LITAF: variants seen among roughly 807,000 people sequenced by gnomAD.
The protein encoded by LITAF is lipopolysaccharide induced TNF factor.
LITAF carries 9 observed loss-of-function variants against 14.5 expected under a neutral mutation model. That is an observed-to-expected ratio of 0.62 (90% CI 0.37 to 1.08). The LOEUF (loss-of-function observed/expected upper bound fraction) is 1.08, where lower values mean the gene tolerates loss of function less well. Among genes scored for constraint, LITAF ranks in the 50% least tolerant of loss-of-function variants. The pLI is 0.01. For synonymous variants in LITAF, 98 were observed against 88.2 expected (o/e 1.11, Z -0.62); for missense variants, 206 against 213.4 (o/e 0.97, Z 0.22).
At position 11,612,242 on chromosome 16, in the gene LITAF, G is replaced by A. The variant is rs141729917; in HGVS notation, c.85+21291C>T. On this transcript the variant is annotated intron_variant, in intron 3 of 3. Transcript: ENST00000574848. ...TTTGCTCAGCCCAGATCTAAAACGG[G>A]GGTCTCTCCAGTGAGTCAGACCAGG... Among the ~76,000 whole-genome samples, 205 of 152,244 alleles carry A rather than the reference G, an allele frequency of 1.3e-3. 1 individual carries two copies. Among genetic ancestry groups the A allele is most frequent in the African/African-American group, 4.7e-3 (196 of 41,546 alleles).
At chr16:11,551,452 A>G (rs963701100) in intron 3 of LITAF, among the ~76,000 whole-genome samples, 17 of 152,170 alleles carry the variant, frequency 1.1e-4, no homozygotes, top group African/African-American at 4.1e-4. Flanking sequence ...CAGGATTTGA[A>G]CCCACTCTAC....
At chr16:11,619,165 G>T (rs2065035083) in intron 3 of LITAF, among the ~76,000 whole-genome samples, 1 of 151,864 alleles carries the variant, frequency 6.6e-6, no homozygotes, top group Admixed American at 6.6e-5. Flanking sequence ...ACAAAATTTA[G>T]CTTGGTGTGG....
intron 3 of LITAF, among the ~76,000 whole-genome samples, chr16:11,604,693 G>C (rs2064945830): frequency 6.8e-6 from 1 of 147,202 alleles, no homozygotes; most frequent in Non-Finnish European, 1.5e-5. Flanking sequence ...GGCCACAGTT[G>C]TGTCACCTGG....
intron 1 of LITAF, among the ~76,000 whole-genome samples, chr16:11,567,971 G>A (rs139657174): frequency 0.078 from 11,633 of 148,230 alleles, 657 homozygotes; most frequent in East Asian, 0.24. Context: ...GCAACAGAGC[G>A]AGACTCTGTC....
intron 1 of LITAF, among the ~76,000 whole-genome samples, chr16:11,569,137 G>A (rs566421941): frequency 1.0e-3 from 159 of 152,324 alleles, no homozygotes; most frequent in African/African-American, 3.7e-3. Context: ...TGAACAGGAC[G>A]CGGGGGCTTC....
At chr16:11,560,782 A>G (rs1164435708) in intron 1 of LITAF, among the ~76,000 whole-genome samples, 1 of 152,166 alleles carries the variant, frequency 6.6e-6, no homozygotes, top group Non-Finnish European at 1.5e-5. Context: ...AGGCCACAGA[A>G]GCAGGAGGGC....
intron 1 of LITAF, among the ~76,000 whole-genome samples, chr16:11,566,218 C>G (rs1037933882): frequency 3.3e-5 from 5 of 152,190 alleles, no homozygotes; most frequent in Non-Finnish European, 7.3e-5. Flanking sequence ...AGAGCAGGAA[C>G]TGACACTAAA....
intron 1 of LITAF, among the ~76,000 whole-genome samples, chr16:11,570,516 G>A (rs1349884362): frequency 6.6e-6 from 1 of 152,170 alleles, no homozygotes; most frequent in Non-Finnish European, 1.5e-5. Flanking sequence ...TACCCGCAGT[G>A]TGGGCGACAG....
intron 1 of LITAF, among the ~76,000 whole-genome samples, chr16:11,559,206 T>G (rs972733134): frequency 2.0e-5 from 3 of 152,110 alleles, no homozygotes; most frequent in African/African-American, 7.2e-5. Flanking sequence ...CAGTGAGCCA[T>G]GATCATGCCA....
At chr16:11,576,458 G>A (rs566769557) in intron 1 of LITAF, among the ~76,000 whole-genome samples, 3 of 141,292 alleles carry the variant, frequency 2.1e-5, no homozygotes, top group Non-Finnish European at 4.5e-5. Flanking sequence ...AACAGAGCAA[G>A]ACACTGTCTC....
intron 3 of LITAF, among the ~76,000 whole-genome samples, chr16:11,625,966 C>A (rs1311489945): frequency 2.0e-5 from 3 of 152,050 alleles, no homozygotes; most frequent in African/African-American, 7.2e-5. Flanking sequence ...GGGTGACCTG[C>A]CTAAGGCCAC....
At chr16:11,591,976 A>C (rs1027947223), upstream of LITAF, among the ~76,000 whole-genome samples, 3 of 152,216 alleles carry the variant, frequency 2.0e-5, no homozygotes, top group African/African-American at 7.2e-5. Context: ...ATCATATACA[A>C]AGGTTGACTC....
chr16:11,563,532 CCT>C (rs372043563), intron 1 of LITAF, among the ~76,000 whole-genome samples: 260 of 152,270 alleles, frequency 1.7e-3, no homozygotes, highest in African/African-American at 6.1e-3. Context: ...GGAGGGATCA[CCT>C]CTCTTTCTGC....
chr16:11,565,229 C>A (rs1408971279), intron 1 of LITAF, among the ~76,000 whole-genome samples: 1 of 151,596 alleles, frequency 6.6e-6, no homozygotes, highest in Non-Finnish European at 1.5e-5. Flanking sequence ...ATTACAGGTG[C>A]CTGCCACCAC....
chr16:11,552,624 A>T (rs903367266), intron 3 of LITAF, among the ~76,000 whole-genome samples: 1 of 152,176 alleles, frequency 6.6e-6, no homozygotes, highest in Admixed American at 6.5e-5. Flanking sequence ...GCGTGGTTTC[A>T]GCAGATAAGC....
rs1226398893 is a variant in LITAF, at chr16:11,548,897, A to G, written c.*740T>C. 2.2e-6 allele frequency: 1 copy of G among 454,028 alleles called. No individual in the cohort carries two copies. The highest frequency in any genetic ancestry group is 1.6e-5 in the South Asian group (1 of 64,472). 28.1% of individuals were successfully genotyped at this position (454,028 alleles called of 1,614,324 possible). On this transcript the variant is annotated 3_prime_UTR_variant, in exon 4 of 4. Transcript: ENST00000622633. ...AAACTGTTCATATAATTACTCTATG[A>G]GAAAAAAATCCCTGTATGGAAAGGG...
intron 1 of LITAF, among the ~76,000 whole-genome samples, chr16:11,573,845 G>T (rs1376624496): frequency 6.6e-6 from 1 of 151,474 alleles, no homozygotes; most frequent in Non-Finnish European, 1.5e-5. Flanking sequence ...GGGATTACAG[G>T]CGCCCACCAC....
At chr16:11,583,913 A>G (rs2064773611) in intron 1 of LITAF, among the ~76,000 whole-genome samples, 1 of 152,236 alleles carries the variant, frequency 6.6e-6, no homozygotes, top group Non-Finnish European at 1.5e-5. Context: ...GCTCTATGAA[A>G]TTACACAATT....
At chr16:11,623,325 G>A (rs901482518) in intron 3 of LITAF, among the ~76,000 whole-genome samples, 9 of 151,908 alleles carry the variant, frequency 5.9e-5, no homozygotes, top group Admixed American at 4.6e-4. Flanking sequence ...CTGTGGTAAG[G>A]ACTTCAGGCA....
Sources: gnomAD v4.1 joint callset for allele counts (sites outside exome capture counted in the v4.1 genomes callset) on GRCh38, gnomAD v4.1.1 for gene constraint, MANE v1.5 for transcripts, NCBI Gene and HGNC (gene_info 2026-07-23, HGNC 2026-07-21) for gene names.